Variants in TRAK1 observed in about 807,000 individuals in gnomAD.
TRAK1 encodes the protein trafficking kinesin-binding protein 1.
TRAK1 carries 33 observed loss-of-function variants against 92.1 expected under a neutral mutation model. The ratio of observed to expected loss-of-function variants is 0.36; its 90% CI spans 0.27 to 0.48. The LOEUF (loss-of-function observed/expected upper bound fraction) is 0.48, where lower values mean the gene tolerates loss of function less well. TRAK1 is among the 20% of genes least tolerant of loss of function. The probability of loss-of-function intolerance (pLI) is 0.99; values close to 1 mark genes in which losing one functional copy is unlikely to be tolerated. For synonymous variants in TRAK1, 521 were observed against 517.3 expected, an observed-to-expected ratio of 1.01 and a Z score of -0.10; for missense variants, 1,123 against 1,257.9, an observed-to-expected ratio of 0.89 and a Z score of 1.62.
At position 42,213,697 on chromosome 3, in the gene TRAK1, G is replaced by C. The variant is rs539770784; in HGVS notation, c.1963+3712G>C. ...CCACAGACCACAGAACTGGGGTTCA[G>C]ACAGGCTTGTGAGAAGTTGGTTTGG... is the stretch of plus-strand genomic sequence containing the variant. On this transcript the variant is annotated intron_variant, in intron 14 of 15. Transcript: ENST00000327628. 3.0e-4 allele frequency among the ~76,000 whole-genome samples: 45 copies of C among 152,344 alleles called. 1 individual carries two copies. The highest frequency in any genetic ancestry group is 5.6e-4 in the Non-Finnish European group (38 of 68,032).
intron 2 of TRAK1, among the ~76,000 whole-genome samples, chr3:42,169,237 G>A (rs1702250330): frequency 6.8e-6 from 1 of 146,548 alleles, no homozygotes; most frequent in South Asian, 2.1e-4. Flanking sequence ...GTATTTTCGT[G>A]TGTTTTTTTT....
Position 42,021,184 on chromosome 3 carries a change from T to C in TRAK1, c.-519+7067T>C, listed in dbSNP as rs766995463. 4.4e-4 allele frequency among the ~76,000 whole-genome samples: 67 copies of C among 152,250 alleles called. 2 individuals are homozygous for C. The highest frequency in any genetic ancestry group is 1.0e-4 in the Non-Finnish European group (7 of 68,042). Reference sequence around the variant, plus strand: ...ATGTGTATGACTCACTGGTGCTGTGTCTGCGAGTATTACATTTGGGTGCAG... The same window carrying C: ...ATGTGTATGACTCACTGGTGCTGTGCCTGCGAGTATTACATTTGGGTGCAG... On this transcript the variant is annotated intron_variant, in intron 1 of 16. Transcript: ENST00000487159.
At chr3:42,105,389 C>T (rs148765788) in intron 1 of TRAK1, among the ~76,000 whole-genome samples, 10 of 151,948 alleles carry the variant, frequency 6.6e-5, no homozygotes, top group African/African-American at 1.7e-4. Flanking sequence ...CTTCAGTAGC[C>T]GATTTGATCA....
rs551089380 is a variant in TRAK1 at position 42,154,693 on chromosome 3, A to G, written c.287-22121A>G. Among the ~76,000 whole-genome samples the G allele has an allele frequency of 2.6e-5, 4 of 152,208 alleles. No individual in the cohort carries two copies. In the East Asian group the frequency reaches 7.7e-4, roughly 29 times the overall value. ...TGATCCTCCTGTCTCAGCCTCTCAA[A>G]GTGCTGGGATTACAGGTGTGAGCCT... On this transcript the variant is annotated intron_variant, in intron 2 of 15. Transcript: ENST00000327628.
At chr3:42,211,771 C>G in intron 14 of TRAK1, 1 of 985,440 alleles carries the variant, frequency 1.0e-6, no homozygotes, top group Non-Finnish European at 1.2e-6. Context: ...GGCCACTCTC[C>G]TTAAAATAAA....
chr3:42,150,123 G>A (rs1278092653), intron 2 of TRAK1, among the ~76,000 whole-genome samples: 2 of 152,120 alleles, frequency 1.3e-5, no homozygotes, highest in African/African-American at 4.8e-5. Context: ...ACCACTTAGC[G>A]GGTGATTCAA....
At chr3:42,192,960 CCTGT>C in intron 7 of TRAK1, 111 bp from the exon 8 acceptor site, 2 of 1,462,982 alleles carry the variant, frequency 1.4e-6, no homozygotes, top group Non-Finnish European at 1.8e-6. Flanking sequence ...CCCACTCTAC[CCTGT>C]CTTTTAGTAA....
intron 1 of TRAK1, among the ~76,000 whole-genome samples, chr3:42,057,885 T>C (rs946607539): frequency 6.6e-6 from 1 of 152,218 alleles, no homozygotes; most frequent in Non-Finnish European, 1.5e-5. Flanking sequence ...TTCTTAAGTA[T>C]TTGAAGGAAC....
chr3:42,035,775 C>A (rs1235473780), intron 1 of TRAK1, among the ~76,000 whole-genome samples: 1 of 152,208 alleles, frequency 6.6e-6, no homozygotes, highest in Non-Finnish European at 1.5e-5. Context: ...TGCTGCCTCT[C>A]CTCCCCTTGC....
intron 7 of TRAK1, among the ~76,000 whole-genome samples, chr3:42,192,715 G>T (rs578220101): frequency 1.3e-5 from 2 of 152,218 alleles, no homozygotes; most frequent in Non-Finnish European, 2.9e-5. Context: ...TGTGGAATGT[G>T]AGGATGTGGC....
At chr3:42,117,824 CT>C (rs11356596) in intron 1 of TRAK1, among the ~76,000 whole-genome samples, 97,440 of 147,188 alleles carry the variant, frequency 0.66, 32,329 homozygotes, top group South Asian at 0.85. Context: ...TTCTTCTTTT[CT>C]TTTTTTTTTT....
At chr3:42,069,320 C>CAAA (rs67809792) in intron 1 of TRAK1, among the ~76,000 whole-genome samples, 5 of 137,278 alleles carry the variant, frequency 3.6e-5, no homozygotes, top group Non-Finnish European at 7.8e-5. Flanking sequence ...GACCCTGTCT[C>CAAA]AAAAAAAAAA....
At chr3:42,040,934 C>T (rs1286469616) in intron 1 of TRAK1, among the ~76,000 whole-genome samples, 1 of 152,140 alleles carries the variant, frequency 6.6e-6, no homozygotes, top group Non-Finnish European at 1.5e-5. Context: ...CCGCCTTGGC[C>T]TCTCAAAGTG....
chr3:42,153,935 A>G (rs375738233), intron 2 of TRAK1, among the ~76,000 whole-genome samples: 1 of 152,180 alleles, frequency 6.6e-6, no homozygotes, highest in Admixed American at 6.5e-5. Flanking sequence ...CTTTCCACAC[A>G]CAGCACTCTC....
At chr3:42,214,258 G>A (rs1369403551) in intron 14 of TRAK1, among the ~76,000 whole-genome samples, 1 of 152,200 alleles carries the variant, frequency 6.6e-6, no homozygotes, top group Non-Finnish European at 1.5e-5. Context: ...TGTGTTGAGA[G>A]GAGGAGCTGT....
intron 1 of TRAK1, among the ~76,000 whole-genome samples, chr3:42,053,386 G>C (rs1171183033): frequency 7.4e-6 from 1 of 135,546 alleles, no homozygotes; most frequent in Non-Finnish European, 1.6e-5. Flanking sequence ...GGGGGGGGGG[G>C]GCGGGGGATG....
chr3:42,182,524 C>T (rs554984304), intron 3 of TRAK1, among the ~76,000 whole-genome samples: 13 of 152,254 alleles, frequency 8.5e-5, no homozygotes, highest in Non-Finnish European at 1.5e-4. Context: ...AACTCCTGAC[C>T]TCAAGTGATC....
intron 14 of TRAK1, among the ~76,000 whole-genome samples, chr3:42,215,979 CT>C (rs1709637753): frequency 6.6e-6 from 1 of 152,152 alleles, no homozygotes; most frequent in Non-Finnish European, 1.5e-5. Flanking sequence ...GAGAAGAAAG[CT>C]TCTGTTGTCC....
intron 11 of TRAK1, among the ~76,000 whole-genome samples, chr3:42,199,603 A>G (rs922764223): frequency 1.3e-5 from 2 of 152,160 alleles, no homozygotes; most frequent in Admixed American, 1.3e-4. Context: ...CTACAGGCGC[A>G]TGCCACCATT....
Sources: allele counts gnomAD v4.1 joint callset (sites outside exome capture counted in the v4.1 genomes callset), GRCh38; gene constraint gnomAD v4.1.1; transcripts MANE v1.5; gene names NCBI Gene and HGNC (gene_info 2026-07-23, HGNC 2026-07-21).